Variants in VPS50 observed in about 807,000 individuals in gnomAD.
The protein encoded by VPS50 is VPS50 subunit of EARP/GARPII complex, also known as syndetin.
In VPS50, 70 loss-of-function variants were observed where a neutral mutation model predicts 139.7. That is an observed-to-expected ratio of 0.50 (90% CI 0.41 to 0.61). The LOEUF (loss-of-function observed/expected upper bound fraction) is 0.61, where lower values mean the gene tolerates loss of function less well. Among genes scored for constraint, VPS50 ranks in the 20% least tolerant of loss-of-function variants. VPS50 has a pLI of 0.00. For synonymous variants in VPS50, 365 were observed against 376.7 expected (o/e 0.97, Z 0.36); for missense variants, 921 against 1,133.7 (o/e 0.81, Z 2.69).
At chr7:93,258,791 A>G (rs1467226060) in intron 8 of VPS50, among the ~76,000 whole-genome samples, 1 of 151,926 alleles carries the variant, frequency 6.6e-6, no homozygotes, top group Non-Finnish European at 1.5e-5. Context: ...TCTTTGATGC[A>G]TTCTTAGCAT....
chr7:93,327,561 A>G (rs777407205), intron 21 of VPS50, among the ~76,000 whole-genome samples: 2 of 152,200 alleles, frequency 1.3e-5, no homozygotes, highest in Non-Finnish European at 2.9e-5. Context: ...TTATGAACAC[A>G]CTAATCTGAT....
At chr7:93,243,849 C>T (rs904913781) in intron 2 of VPS50, among the ~76,000 whole-genome samples, 1 of 151,798 alleles carries the variant, frequency 6.6e-6, no homozygotes, top group African/African-American at 2.4e-5. Context: ...AATCTACATC[C>T]AGCCTTTATT....
At chr7:93,244,128 A>G (rs1421726846) in intron 2 of VPS50, among the ~76,000 whole-genome samples, 1 of 151,860 alleles carries the variant, frequency 6.6e-6, no homozygotes, top group Non-Finnish European at 1.5e-5. Flanking sequence ...TGTCTGTTGC[A>G]GTCAACATTT....
chr7:93,249,585 G>A lies in VPS50; in HGVS notation c.103-3068G>A, dbSNP rs558772057. Among the ~76,000 whole-genome samples the A allele has an allele frequency of 2.3e-4, 35 of 152,160 alleles. 1 individual carries two copies. Among genetic ancestry groups the A allele is most frequent in the Middle Eastern group, 6.8e-3 (2 of 294 alleles). ...GCTCTATTTCTGATTTAAAAAAATC[G>A]TAGCAGTTTTTGTAATCTTCAAATA... On this transcript the variant is annotated intron_variant, in intron 2 of 27. Coordinates refer to ENST00000305866, the MANE Select transcript of VPS50 (RefSeq NM_017667.4).
At chr7:93,337,997 C>T (rs983405240) in intron 22 of VPS50, among the ~76,000 whole-genome samples, 1 of 152,122 alleles carries the variant, frequency 6.6e-6, no homozygotes, top group Non-Finnish European at 1.5e-5. Flanking sequence ...TGAGTAGCCA[C>T]CCATTTTGCC....
intron 2 of VPS50, among the ~76,000 whole-genome samples, chr7:93,244,578 T>G (rs1795094874): frequency 6.6e-6 from 1 of 151,952 alleles, no homozygotes; most frequent in Admixed American, 6.6e-5. Context: ...CTTTCTATAT[T>G]GTAATTTTTG....
intron 12 of VPS50, among the ~76,000 whole-genome samples, chr7:93,277,438 G>A (rs2116898537): frequency 6.6e-6 from 1 of 152,272 alleles, no homozygotes; most frequent in Middle Eastern, 3.4e-3. Context: ...CTAGTAAGTA[G>A]ATATCTATTC....
chr7:93,339,059 C>T (rs1385589632), intron 22 of VPS50, among the ~76,000 whole-genome samples: 1 of 152,066 alleles, frequency 6.6e-6, no homozygotes, highest in Non-Finnish European at 1.5e-5. Context: ...TTATCAATAA[C>T]TACCAGAATT....
intron 3 of VPS50, 43 bp from the exon 4 acceptor site, chr7:93,253,817 A>G (rs1795406595): frequency 8.7e-7 from 1 of 1,146,186 alleles, no homozygotes; most frequent in South Asian, 1.3e-5. Context: ...ACCAAATTAA[A>G]CAATTTATTT....
At chr7:93,278,538 A>G (rs1341721646) in intron 12 of VPS50, among the ~76,000 whole-genome samples, 1 of 146,876 alleles carries the variant, frequency 6.8e-6, no homozygotes, top group Non-Finnish European at 1.5e-5. Flanking sequence ...TGGAGGTTGC[A>G]GTGAGCTGAG....
intron 4 of VPS50, among the ~76,000 whole-genome samples, chr7:93,255,764 A>G (rs1795466696): frequency 6.6e-6 from 1 of 152,196 alleles, no homozygotes; most frequent in African/African-American, 2.4e-5. Flanking sequence ...GCAGTAGTGT[A>G]GTGGGTGTTC....
intron 12 of VPS50, among the ~76,000 whole-genome samples, chr7:93,279,679 G>T (rs1796264792): frequency 6.6e-6 from 1 of 152,198 alleles, no homozygotes; most frequent in Non-Finnish European, 1.5e-5. Flanking sequence ...TGTGCAGGGT[G>T]TTGACTGACA....
In VPS50 at chr7:93,232,512, C is replaced by T. The variant is rs974871927; in HGVS notation, c.33+12C>T. The stretch of plus-strand genomic sequence containing the variant: ...TCATGACCCGACAGGTAAGTCGCGG[C>T]GGCTGAAGCAAAGGCTTCCTTCATC... On this transcript the variant is annotated intron_variant, in intron 1 of 27. Coordinates refer to ENST00000305866, the MANE Select transcript of VPS50 (RefSeq NM_017667.4). 6.2e-7 allele frequency: 1 copy of T among 1,611,320 alleles called. No homozygotes were observed. The highest frequency in any genetic ancestry group is 8.5e-7 in the Non-Finnish European group (1 of 1,177,638).
intron 12 of VPS50, among the ~76,000 whole-genome samples, chr7:93,287,707 TAGAA>T (rs1214316705): frequency 6.6e-6 from 1 of 152,146 alleles, no homozygotes. Flanking sequence ...TAATAAAAGT[TAGAA>T]CTACTGACTT....
chr7:93,308,097 G>A (rs745510631), intron 18 of VPS50, among the ~76,000 whole-genome samples: 17 of 149,974 alleles, frequency 1.1e-4, no homozygotes, highest in Non-Finnish European at 1.6e-4. Flanking sequence ...CCATTTAATC[G>A]TATTAATCTA....
intron 20 of VPS50, among the ~76,000 whole-genome samples, chr7:93,314,317 T>G (rs1032869285): frequency 6.6e-6 from 1 of 152,202 alleles, no homozygotes; most frequent in Non-Finnish European, 1.5e-5. Context: ...ACTTGGCAGA[T>G]AATTAGCAGA....
At chr7:93,319,453 TC>T (rs1282522784) in intron 20 of VPS50, among the ~76,000 whole-genome samples, 22 of 152,246 alleles carry the variant, frequency 1.4e-4, no homozygotes, top group Admixed American at 6.5e-4. Flanking sequence ...TGAATTCGTG[TC>T]AGTCTGAAAA....
intron 9 of VPS50, among the ~76,000 whole-genome samples, chr7:93,261,536 G>GAT (rs1196226451): frequency 2.0e-5 from 3 of 151,662 alleles, no homozygotes; most frequent in Non-Finnish European, 4.4e-5. Flanking sequence ...AAATTAGCCG[G>GAT]GCCTGGTGGC....
intron 26 of VPS50, 106 bp from the exon 27 acceptor site, chr7:93,355,785 C>A: frequency 1.8e-6 from 1 of 571,032 alleles, no homozygotes; most frequent in Non-Finnish European, 3.0e-6. Context: ...CCTCTCATTT[C>A]TGGGGAATCT....
Sources: gnomAD v4.1 joint callset for allele counts (sites outside exome capture counted in the v4.1 genomes callset) on GRCh38, gnomAD v4.1.1 for gene constraint, MANE v1.5 for transcripts, NCBI Gene and HGNC (gene_info 2026-07-23, HGNC 2026-07-21) for gene names.